The following FMNL2 variants were observed in gnomAD, a reference collection of about 807,000 sequenced individuals.
FMNL2 encodes formin like 2, also known as formin-like protein 2.
Under a neutral mutation model 130.2 loss-of-function variants are expected in FMNL2, and 51 were observed. The ratio of observed to expected loss-of-function variants is 0.39; its 90% confidence interval spans 0.31 to 0.49. The LOEUF is 0.49. FMNL2 is among the 20% of genes least tolerant of loss of function. FMNL2 has a pLI of 0.85. For missense variants in FMNL2, 977 were observed against 1,316.2 expected (o/e 0.74, Z 3.99); for synonymous variants, 465 against 467.1 (o/e 1.00, Z 0.06).
At chr2:152,335,742 G>A in intron 1 of FMNL2, 22 bp downstream of exon 1, 4 of 1,545,610 alleles carry the variant, frequency 2.6e-6, no homozygotes, top group Non-Finnish European at 3.5e-6. Flanking sequence ...GCGGCGGTCG[G>A]GCGCGGGGAC....
intron 25 of FMNL2, chr2:152,645,474 C>T: frequency 7.8e-7 from 1 of 1,290,140 alleles, no homozygotes; most frequent in Non-Finnish European, 1.0e-6. Flanking sequence ...CAAATGTTCA[C>T]TCGAGGGTAA....
intron 7 of FMNL2, among the ~76,000 whole-genome samples, chr2:152,575,533 G>A (rs1696428116): frequency 6.6e-6 from 1 of 152,014 alleles, no homozygotes; most frequent in African/African-American, 2.4e-5. Flanking sequence ...GATTTAACGA[G>A]ATTCTATTAA....
intron 9 of FMNL2, among the ~76,000 whole-genome samples, chr2:152,595,740 C>T (rs187348571): frequency 1.3e-5 from 2 of 152,004 alleles, no homozygotes; most frequent in Admixed American, 6.6e-5. Context: ...TTTTCCCATG[C>T]GGAGGAGATC....
intron 1 of FMNL2, among the ~76,000 whole-genome samples, chr2:152,374,622 A>G (rs1684061579): frequency 6.6e-6 from 1 of 152,186 alleles, no homozygotes; most frequent in East Asian, 1.9e-4. Context: ...AACCCGAAAA[A>G]CTAGAGACAT....
intron 1 of FMNL2, among the ~76,000 whole-genome samples, chr2:152,442,258 CTT>C (rs970234863): frequency 6.8e-6 from 1 of 146,680 alleles, no homozygotes; most frequent in Non-Finnish European, 1.5e-5. Context: ...TTTTCTTTTT[CTT>C]TTTTTTTTGA....
intron 9 of FMNL2, among the ~76,000 whole-genome samples, chr2:152,595,543 T>C (rs1465464759): frequency 6.6e-6 from 1 of 152,162 alleles, no homozygotes; most frequent in Non-Finnish European, 1.5e-5. Context: ...GGTCTCGAAC[T>C]CCTGACCTCA....
intron 1 of FMNL2, among the ~76,000 whole-genome samples, chr2:152,376,437 A>G (rs1684181854): frequency 6.6e-6 from 1 of 152,156 alleles, no homozygotes; most frequent in African/African-American, 2.4e-5. Flanking sequence ...ATACTCTTGG[A>G]GGAGAGGAGG....
At chr2:152,342,593 G>C (rs544075718) in intron 1 of FMNL2, among the ~76,000 whole-genome samples, 5 of 152,214 alleles carry the variant, frequency 3.3e-5, no homozygotes, top group Non-Finnish European at 7.3e-5. Flanking sequence ...CTCATTGCTT[G>C]TCTTCCCTTT....
At chr2:152,559,537 C>G (rs1558963546) in intron 5 of FMNL2, among the ~76,000 whole-genome samples, 1 of 152,172 alleles carries the variant, frequency 6.6e-6, no homozygotes, top group Non-Finnish European at 1.5e-5. Context: ...CTCCTGACTT[C>G]AGATGATCCA....
chr2:152,351,644 T>C (rs1196284458), intron 1 of FMNL2, among the ~76,000 whole-genome samples: 2 of 152,184 alleles, frequency 1.3e-5, no homozygotes, highest in South Asian at 2.1e-4. Flanking sequence ...CTATTGTAAA[T>C]AGTGTTGCAG....
chr2:152,610,816 G>A (rs897737781), intron 10 of FMNL2, among the ~76,000 whole-genome samples: 5 of 152,130 alleles, frequency 3.3e-5, no homozygotes, highest in Admixed American at 2.0e-4. Context: ...AAGCGGAATC[G>A]CTGGGTCATA....
chr2:152,586,548 C>T (rs574140094), intron 9 of FMNL2, among the ~76,000 whole-genome samples: 1 of 152,222 alleles, frequency 6.6e-6, no homozygotes, highest in South Asian at 2.1e-4. Flanking sequence ...AGCATGAGAC[C>T]ATCCAGATAA....
chr2:152,589,185 A>G (rs1262401265), intron 9 of FMNL2, among the ~76,000 whole-genome samples: 1 of 152,092 alleles, frequency 6.6e-6, no homozygotes, highest in Non-Finnish European at 1.5e-5. Context: ...CTGTTGTACA[A>G]ATGTAGAGAT....
At chr2:152,369,959 A>T (rs1156449632) in intron 1 of FMNL2, among the ~76,000 whole-genome samples, 1 of 152,028 alleles carries the variant, frequency 6.6e-6, no homozygotes, top group South Asian at 2.1e-4. Flanking sequence ...TTTGCTGTGT[A>T]TTGTGTGGGG....
intron 4 of FMNL2, among the ~76,000 whole-genome samples, chr2:152,553,039 G>T (rs1432160262): frequency 6.6e-6 from 1 of 152,182 alleles, no homozygotes; most frequent in African/African-American, 2.4e-5. Flanking sequence ...TGAGATGGCA[G>T]AAGGAATGTG....
intron 1 of FMNL2, among the ~76,000 whole-genome samples, chr2:152,358,239 G>A (rs1359570293): frequency 1.3e-5 from 2 of 152,210 alleles, no homozygotes; most frequent in African/African-American, 4.8e-5. Context: ...GCCACAGACT[G>A]AGGCCTGCAC....
At chr2:152,561,166 A>C in intron 6 of FMNL2, 131 bp downstream of exon 6, 2 of 955,630 alleles carry the variant, frequency 2.1e-6, no homozygotes, top group African/African-American at 1.7e-5. Flanking sequence ...ATGACTCTAA[A>C]TGAATGTTTC....
At chr2:152,610,605 C>T (rs1017369748) in intron 10 of FMNL2, among the ~76,000 whole-genome samples, 1 of 152,310 alleles carries the variant, frequency 6.6e-6, no homozygotes, top group South Asian at 2.1e-4. Context: ...TTCAAGATCA[C>T]GTTGTAACAT....
intron 1 of FMNL2, among the ~76,000 whole-genome samples, chr2:152,425,602 A>G (rs1333567927): frequency 6.6e-6 from 1 of 152,260 alleles, no homozygotes; most frequent in East Asian, 1.9e-4. Flanking sequence ...TCAAAAAAGT[A>G]TTTTAACAAA....
Sources: allele counts gnomAD v4.1 joint callset (sites outside exome capture counted in the v4.1 genomes callset), GRCh38; gene constraint gnomAD v4.1.1; transcripts MANE v1.5; gene names NCBI Gene and HGNC (gene_info 2026-07-23, HGNC 2026-07-21).